NDUFV2: variants seen among roughly 807,000 people sequenced by gnomAD.
NDUFV2 encodes NADH dehydrogenase [ubiquinone] flavoprotein 2, mitochondrial.
Under a neutral mutation model 31.6 loss-of-function variants are expected in NDUFV2, and 18 were observed. The observed-to-expected ratio is 0.57, with a 90% CI of 0.39 to 0.84. The LOEUF (loss-of-function observed/expected upper bound fraction) is 0.84. NDUFV2 is among the 40% of genes least tolerant of loss of function. The pLI, the probability that NDUFV2 is intolerant of heterozygous loss-of-function variation, is 0.00. For synonymous variants in NDUFV2, 83 were observed against 99.8 expected (o/e 0.83, Z 1.01); for missense variants, 314 against 303.6 (o/e 1.03, Z -0.26).
At chr18:9,119,643 A>G (rs1209293564) in intron 4 of NDUFV2, 53 bp downstream of exon 4, 2 of 1,430,810 alleles carry the variant, frequency 1.4e-6, no homozygotes, top group African/African-American at 2.8e-5. Context: ...TGTGTATGAT[A>G]ATTTCCTTTT....
chr18:9,114,465 T>A (rs2077887765), intron 1 of NDUFV2, among the ~76,000 whole-genome samples: 3 of 138,268 alleles, frequency 2.2e-5, no homozygotes, highest in African/African-American at 8.3e-5. Context: ...TTTTTTTTTT[T>A]AGTTATTAAA....
At chr18:9,124,188 T>G (rs2077965892) in intron 5 of NDUFV2, among the ~76,000 whole-genome samples, 1 of 151,506 alleles carries the variant, frequency 6.6e-6, no homozygotes, top group Non-Finnish European at 1.5e-5. Flanking sequence ...ATAGAGTTTT[T>G]TTTTTGTTTT....
Position 9,102,730 on chromosome 18 carries a change from C to T in NDUFV2, c.-14C>T, listed in dbSNP as rs1484763433. On this transcript the variant is annotated 5_prime_UTR_variant, in exon 1 of 8. Coordinates refer to ENST00000318388, the MANE Select transcript of NDUFV2 (RefSeq NM_021074.5). Reference sequence around the variant, plus strand: ...GCCTGGCGCGGCTGGGGAAGGTGAACAGTGTGGCCCGCCATGTTCTTCTCC... The same window carrying T: ...GCCTGGCGCGGCTGGGGAAGGTGAATAGTGTGGCCCGCCATGTTCTTCTCC... 9 of 1,582,584 alleles carry T rather than the reference C, an allele frequency of 5.7e-6. No homozygotes were observed. The Admixed American group carries it at 1.1e-4, about 19-fold the overall frequency.
At chr18:9,118,753 TAAG>T (rs929987022) in intron 2 of NDUFV2, among the ~76,000 whole-genome samples, 2 of 151,440 alleles carry the variant, frequency 1.3e-5, no homozygotes, top group Non-Finnish European at 2.9e-5. Flanking sequence ...TCTGCTCTTT[TAAG>T]AAGAGATAAA....
intron 1 of NDUFV2, among the ~76,000 whole-genome samples, chr18:9,114,131 A>C (rs765428547): frequency 6.6e-5 from 10 of 152,036 alleles, no homozygotes; most frequent in Admixed American, 3.9e-4. Context: ...CTGCTCACCA[A>C]ATGCACAAAC....
At chr18:9,130,030 A>G (rs1568196917) in intron 7 of NDUFV2, among the ~76,000 whole-genome samples, 1 of 152,150 alleles carries the variant, frequency 6.6e-6, no homozygotes, top group Non-Finnish European at 1.5e-5. Context: ...GGGGAAGAAA[A>G]GTCAAATTTT....
intron 1 of NDUFV2, among the ~76,000 whole-genome samples, chr18:9,106,129 A>G (rs1273892261): frequency 1.3e-5 from 2 of 152,174 alleles, no homozygotes; most frequent in African/African-American, 4.8e-5. Flanking sequence ...ATGTACATGC[A>G]TGGTTCAGGG....
At chr18:9,108,123 A>G (rs913484487) in intron 1 of NDUFV2, among the ~76,000 whole-genome samples, 2 of 152,228 alleles carry the variant, frequency 1.3e-5, no homozygotes, top group Non-Finnish European at 2.9e-5. Flanking sequence ...GATGGCTGGA[A>G]TCATTAATGC....
intron 1 of NDUFV2, among the ~76,000 whole-genome samples, chr18:9,110,908 T>C: frequency 6.6e-6 from 1 of 152,182 alleles, no homozygotes; most frequent in East Asian, 1.9e-4. Context: ...GTTATGCTAG[T>C]GTGTATACGT....
At chr18:9,124,793 T>C in intron 5 of NDUFV2, 81 bp from the exon 6 acceptor site, 1 of 1,357,944 alleles carries the variant, frequency 7.4e-7, no homozygotes. Flanking sequence ...TATACCTCTA[T>C]AAAAATTCTT....
intron 5 of NDUFV2, among the ~76,000 whole-genome samples, chr18:9,124,200 T>G (rs1023378522): frequency 2.0e-5 from 3 of 151,588 alleles, no homozygotes; most frequent in Non-Finnish European, 4.4e-5. Context: ...TTTTGTTTTT[T>G]TTTTTTGAGA....
intron 6 of NDUFV2, among the ~76,000 whole-genome samples, chr18:9,126,388 T>C (rs1369299978): frequency 1.3e-5 from 2 of 152,180 alleles, no homozygotes; most frequent in Non-Finnish European, 2.9e-5. Flanking sequence ...CAAACAAACT[T>C]GGGGAGGCTG....
At position 9,124,801 on chromosome 18, in the gene NDUFV2, C is replaced by A. The variant is rs917738267; in HGVS notation, c.470-73C>A. The stretch of plus-strand genomic sequence containing the variant: ...CTTTTAATATACCTCTATAAAAATT[C>A]TTTTTTTTTTTTTTAAACCAAATGA... On this transcript the variant is annotated intron_variant, in intron 5 of 7. Transcript: ENST00000318388. The A allele has an allele frequency of 6.6e-6, 8 of 1,218,822 alleles. No homozygotes were observed. In the Admixed American group the frequency reaches 1.1e-4, roughly 16 times the overall value. The allele number at this position is 1,218,822 out of a possible 1,614,324, so 75.5% of individuals were successfully genotyped here.
At chr18:9,103,837 G>T in intron 1 of NDUFV2, 1 of 255,160 alleles carries the variant, frequency 3.9e-6, no homozygotes, top group Non-Finnish European at 7.6e-6. Context: ...CTAGTTAACA[G>T]TGTGGATAAT....
chr18:9,102,836 C>T (rs746474214), intron 1 of NDUFV2, 39 bp downstream of exon 1: 71 of 1,532,546 alleles, frequency 4.6e-5, no homozygotes, highest in Admixed American at 6.0e-5. Context: ...TGCCGCCGCC[C>T]TTCTCTTGCT....
rs58160760 is a variant in NDUFV2 at position 9,114,445 on chromosome 18, CT to C, written c.55-3373del. 8.4e-3 allele frequency among the ~76,000 whole-genome samples: 1,140 copies of C among 135,842 alleles called. 8 individuals carry two copies. Among genetic ancestry groups the C allele is most frequent in the African/African-American group, 0.024 (878 of 37,116 alleles). The allele number at this position is 135,842 out of a possible 152,430, so 89.1% of individuals were successfully genotyped here. ...AGTTTTAAAATGCAGTTGTTTGGATCTTTTTTTTTTTTTTTTTTTTAGTTAT... is the reference window on the plus strand; with the variant it reads ...AGTTTTAAAATGCAGTTGTTTGGATCTTTTTTTTTTTTTTTTTTTAGTTAT... On this transcript the variant is annotated intron_variant, in intron 1 of 7. Transcript: ENST00000318388.
At chr18:9,129,284 G>A (rs1269402132) in intron 7 of NDUFV2, among the ~76,000 whole-genome samples, 2 of 151,944 alleles carry the variant, frequency 1.3e-5, no homozygotes, top group Admixed American at 6.5e-5. Flanking sequence ...TGTGAACTGT[G>A]GGATCTATGG....
intron 1 of NDUFV2, among the ~76,000 whole-genome samples, chr18:9,105,507 A>G (rs1031002156): frequency 2.6e-5 from 4 of 152,174 alleles, no homozygotes; most frequent in East Asian, 1.9e-4. Flanking sequence ...GTAATTGCCC[A>G]TGGTTTTTCT....
intron 7 of NDUFV2, among the ~76,000 whole-genome samples, chr18:9,133,896 C>T (rs2143123548): frequency 6.6e-6 from 1 of 152,262 alleles, no homozygotes; most frequent in East Asian, 1.9e-4. Context: ...TGTCTTGTGG[C>T]ATCGTAAGGA....
Sources: gnomAD v4.1 joint callset for allele counts (sites outside exome capture counted in the v4.1 genomes callset) on GRCh38, gnomAD v4.1.1 for gene constraint, MANE v1.5 for transcripts, NCBI Gene and HGNC (gene_info 2026-07-23, HGNC 2026-07-21) for gene names.